GABRB2: variants seen among roughly 807,000 people sequenced by gnomAD.
The protein encoded by GABRB2 is gamma-aminobutyric acid receptor subunit beta-2.
GABRB2 carries 16 observed loss-of-function variants against 54.7 expected under a neutral mutation model. That is an observed-to-expected ratio of 0.29 (90% CI 0.20 to 0.44). The LOEUF is 0.44. GABRB2 is among the 20% of genes least tolerant of loss of function. The pLI, the probability that GABRB2 is intolerant of heterozygous loss-of-function variation, is 1.00. For missense variants in GABRB2, 355 were observed against 644.0 expected, an observed-to-expected ratio of 0.55 and a Z score of 4.86; for synonymous variants, 244 against 233.8, an observed-to-expected ratio of 1.04 and a Z score of -0.40.
chr5:161,497,057 T>G (rs1301435150), intron 3 of GABRB2, among the ~76,000 whole-genome samples: 2 of 152,112 alleles, frequency 1.3e-5, no homozygotes, highest in South Asian at 2.1e-4. Context: ...TCCCTCATCC[T>G]CATGTTAGAA....
intron 7 of GABRB2, among the ~76,000 whole-genome samples, chr5:161,334,355 C>T (rs538260541): frequency 5.9e-4 from 90 of 152,250 alleles, no homozygotes; most frequent in African/African-American, 2.1e-3. Flanking sequence ...ATTCTTTCTG[C>T]TTATCCATTT....
chr5:161,457,806 T>A (rs776040685), intron 4 of GABRB2, among the ~76,000 whole-genome samples: 1 of 152,204 alleles, frequency 6.6e-6, no homozygotes, highest in East Asian at 1.9e-4. Flanking sequence ...TTTGCCTACA[T>A]GCATTTATGA....
intron 9 of GABRB2, among the ~76,000 whole-genome samples, chr5:161,309,387 G>T (rs1489691368): frequency 6.6e-6 from 1 of 152,152 alleles, no homozygotes; most frequent in East Asian, 1.9e-4. Context: ...GGAGAAAAAG[G>T]GATGCTTATA....
intron 5 of GABRB2, among the ~76,000 whole-genome samples, chr5:161,350,955 G>A (rs945323712): frequency 2.0e-5 from 3 of 152,050 alleles, no homozygotes; most frequent in African/African-American, 7.2e-5. Context: ...TTGGGGACTG[G>A]CTTCCTGGCT....
rs147038318 is a variant in GABRB2 at position 161,364,224 on chromosome 5, C to A, written c.542-27455G>T. ...CACACACATATAAATCTATATAGGA[C>A]AATATATTTATTTCTATAACCATAA... On this transcript the variant is annotated intron_variant, in intron 5 of 9. Transcript: ENST00000393959. Among the ~76,000 whole-genome samples, 85 of 152,158 alleles carry A rather than the reference C, an allele frequency of 5.6e-4. No individual in the cohort carries two copies. In the East Asian group the frequency reaches 0.015, roughly 27 times the overall value.
At chr5:161,482,451 C>G (rs1758791020) in intron 3 of GABRB2, among the ~76,000 whole-genome samples, 1 of 152,098 alleles carries the variant, frequency 6.6e-6, no homozygotes, top group Admixed American at 6.6e-5. Flanking sequence ...TCAATATTGT[C>G]TCAGAGACTG....
At chr5:161,452,598 T>C (rs963520645) in intron 4 of GABRB2, among the ~76,000 whole-genome samples, 2 of 152,168 alleles carry the variant, frequency 1.3e-5, no homozygotes. Flanking sequence ...TTCTATTTAA[T>C]ATTTGGGTGA....
intron 3 of GABRB2, among the ~76,000 whole-genome samples, chr5:161,478,628 G>A (rs76082888): frequency 0.01 from 1,593 of 152,034 alleles, 26 homozygotes; most frequent in African/African-American, 0.035. Context: ...TATTGGGAGA[G>A]GATTGGGAAG....
At chr5:161,401,348 T>A (rs1446394404) in intron 5 of GABRB2, among the ~76,000 whole-genome samples, 1 of 152,220 alleles carries the variant, frequency 6.6e-6, no homozygotes, top group African/African-American at 2.4e-5. Flanking sequence ...CAATTCTAAA[T>A]GTACTTGGGG....
intron 4 of GABRB2, among the ~76,000 whole-genome samples, chr5:161,446,265 G>A (rs1196962579): frequency 1.3e-5 from 2 of 151,996 alleles, no homozygotes; most frequent in Non-Finnish European, 2.9e-5. Flanking sequence ...CTCAGGACTT[G>A]ACTGGATGGA....
intron 3 of GABRB2, among the ~76,000 whole-genome samples, chr5:161,518,782 C>T (rs1027361484): frequency 1.4e-4 from 21 of 152,088 alleles, no homozygotes; most frequent in African/African-American, 4.8e-4. Flanking sequence ...TTAAAGCATG[C>T]TCATTATTTT....
chr5:161,335,493 G>C (rs1292597947), intron 6 of GABRB2, among the ~76,000 whole-genome samples: 2 of 152,110 alleles, frequency 1.3e-5, no homozygotes, highest in African/African-American at 4.8e-5. Context: ...ATTTGTGGGA[G>C]ATACAACTAA....
Position 161,490,587 on chromosome 5 carries a change from T to C in GABRB2, c.238-30743A>G, listed in dbSNP as rs536944051. ...AGTGCTCATAAGCATCCAGAATCAT[T>C]ACTGTCTACCCAGCCCATAAACTCT... On this transcript the variant is annotated intron_variant, in intron 3 of 9. Coordinates refer to ENST00000393959, the MANE Select transcript of GABRB2 (RefSeq NM_001371727.1). Among the ~76,000 whole-genome samples the C allele has an allele frequency of 1.8e-4, 27 of 151,858 alleles. No homozygotes were observed. The South Asian group carries it at 5.0e-3, about 28-fold the overall frequency.
At chr5:161,310,756 G>A (rs954319140) in intron 9 of GABRB2, among the ~76,000 whole-genome samples, 60 of 148,596 alleles carry the variant, frequency 4.0e-4, no homozygotes, top group African/African-American at 1.4e-3. Flanking sequence ...TTAAAGTTAT[G>A]CTACAGCATT....
chr5:161,497,739 G>C (rs888410456), intron 3 of GABRB2, among the ~76,000 whole-genome samples: 1 of 152,038 alleles, frequency 6.6e-6, no homozygotes, highest in Non-Finnish European at 1.5e-5. Context: ...CATTACACAA[G>C]CTAAGTTCTA....
chr5:161,529,520 G>T (rs1347729070), intron 3 of GABRB2, among the ~76,000 whole-genome samples: 1 of 151,940 alleles, frequency 6.6e-6, no homozygotes, highest in Non-Finnish European at 1.5e-5. Flanking sequence ...GTTCTCACAG[G>T]TTCTAGCTTC....
intron 5 of GABRB2, among the ~76,000 whole-genome samples, chr5:161,339,963 T>G (rs1041438004): frequency 6.6e-6 from 1 of 151,998 alleles, no homozygotes; most frequent in Non-Finnish European, 1.5e-5. Flanking sequence ...TGTCCATTTT[T>G]TTTTACAAAA....
chr5:161,505,555 CA>C (rs1001490849), intron 3 of GABRB2, among the ~76,000 whole-genome samples: 6 of 151,858 alleles, frequency 4.0e-5, no homozygotes, highest in African/African-American at 1.5e-4. Context: ...AAAATATTTA[CA>C]AAAAAATTAA....
chr5:161,456,858 C>T (rs1561656934), intron 4 of GABRB2, among the ~76,000 whole-genome samples: 1 of 152,022 alleles, frequency 6.6e-6, no homozygotes, highest in Non-Finnish European at 1.5e-5. Context: ...AAATTACTGG[C>T]TGGGGGTGGG....
Sources: gnomAD v4.1 joint callset for allele counts (sites outside exome capture counted in the v4.1 genomes callset) on GRCh38, gnomAD v4.1.1 for gene constraint, MANE v1.5 for transcripts, NCBI Gene and HGNC (gene_info 2026-07-23, HGNC 2026-07-21) for gene names.